MARCHF1: variants seen among roughly 807,000 people sequenced by gnomAD.
MARCHF1 encodes the protein membrane associated ring-CH-type finger 1.
MARCHF1 carries 40 observed loss-of-function variants against 54.2 expected under a neutral mutation model. The observed-to-expected ratio is 0.74, with a 90% CI of 0.57 to 0.96. MARCHF1 has a LOEUF of 0.96. Ranked by LOEUF, MARCHF1 falls within the 40% of genes least tolerant of loss-of-function variation. The pLI is 0.00. For synonymous variants in MARCHF1, 236 were observed against 236.3 expected (o/e 1.00, Z 0.01); for missense variants, 586 against 656.5 (o/e 0.89, Z 1.17).
intron 1 of MARCHF1, among the ~76,000 whole-genome samples, chr4:164,263,217 T>G (rs1733517485): frequency 6.6e-6 from 1 of 150,596 alleles, no homozygotes; most frequent in African/African-American, 2.4e-5. Flanking sequence ...AAGAGAAAAA[T>G]TAAGGTAAAA....
chr4:163,629,052 T>G (rs187681424), intron 5 of MARCHF1, among the ~76,000 whole-genome samples: 1 of 152,300 alleles, frequency 6.6e-6, no homozygotes, highest in African/African-American at 2.4e-5. Context: ...AAAAAACTAC[T>G]TTAAATTTCA....
intron 4 of MARCHF1, among the ~76,000 whole-genome samples, chr4:163,733,290 C>T (rs1355230485): frequency 8.0e-6 from 1 of 124,360 alleles, no homozygotes; most frequent in Non-Finnish European, 1.6e-5. Context: ...CACATACACA[C>T]ACACACGCAC....
At chr4:164,185,924 G>A (rs190747561) in intron 1 of MARCHF1, among the ~76,000 whole-genome samples, 8 of 151,974 alleles carry the variant, frequency 5.3e-5, no homozygotes, top group East Asian at 1.9e-4. Context: ...ATGGAATCTC[G>A]CTCTTGTTAC....
chr4:164,146,691 TAA>T (rs1422299598), intron 1 of MARCHF1, among the ~76,000 whole-genome samples: 7 of 152,076 alleles, frequency 4.6e-5, no homozygotes, highest in African/African-American at 1.7e-4. Flanking sequence ...ATTAAAGACT[TAA>T]ACATTAGACC....
At chr4:164,161,639 G>C (rs1282183043) in intron 1 of MARCHF1, among the ~76,000 whole-genome samples, 1 of 152,048 alleles carries the variant, frequency 6.6e-6, no homozygotes, top group Non-Finnish European at 1.5e-5. Flanking sequence ...CATCTTTAGG[G>C]TAATTGTTAA....
At chr4:164,197,804 A>T (rs758284198) in intron 1 of MARCHF1, 16 of 1,585,714 alleles carry the variant, frequency 1.0e-5, no homozygotes, top group Non-Finnish European at 1.4e-5. Context: ...GACTTTGAAG[A>T]CTCAACCAGC....
chr4:164,310,373 G>A (rs1412199658), intron 1 of MARCHF1, among the ~76,000 whole-genome samples: 2 of 152,064 alleles, frequency 1.3e-5, no homozygotes, highest in African/African-American at 2.4e-5. Flanking sequence ...ACCACGCCTG[G>A]CCACATGAGA....
chr4:164,048,148 C>T (rs1196291398), intron 2 of MARCHF1, among the ~76,000 whole-genome samples: 1 of 152,010 alleles, frequency 6.6e-6, no homozygotes, highest in African/African-American at 2.4e-5. Flanking sequence ...ATGATATTCC[C>T]TTATCATGTG....
At chr4:163,874,834 C>A (rs1258912025) in intron 3 of MARCHF1, among the ~76,000 whole-genome samples, 1 of 151,990 alleles carries the variant, frequency 6.6e-6, no homozygotes, top group Non-Finnish European at 1.5e-5. Context: ...TGCTAAAATG[C>A]CCAGAAAACT....
intron 2 of MARCHF1, among the ~76,000 whole-genome samples, chr4:164,004,504 C>T (rs557358547): frequency 2.0e-5 from 3 of 152,116 alleles, no homozygotes; most frequent in East Asian, 3.9e-4. Flanking sequence ...TATAACAACA[C>T]TGTCAACCAA....
intron 1 of MARCHF1, among the ~76,000 whole-genome samples, chr4:164,141,291 T>C (rs1756527743): frequency 1.3e-5 from 2 of 152,210 alleles, no homozygotes; most frequent in Non-Finnish European, 2.9e-5. Context: ...GTCTCTGACA[T>C]AGATGTTGCT....
intron 2 of MARCHF1, among the ~76,000 whole-genome samples, chr4:164,047,852 G>A (rs1004249636): frequency 2.6e-5 from 4 of 152,070 alleles, no homozygotes; most frequent in African/African-American, 9.7e-5. Flanking sequence ...AATAATTAGT[G>A]TCTGTATTTG....
intron 2 of MARCHF1, among the ~76,000 whole-genome samples, chr4:164,106,777 A>T (rs1443316628): frequency 1.4e-5 from 2 of 144,028 alleles, no homozygotes; most frequent in African/African-American, 5.3e-5. Flanking sequence ...AAAAATAAAA[A>T]ATAAAAAAAA....
At chr4:164,237,889 C>T (rs925606878) in intron 1 of MARCHF1, among the ~76,000 whole-genome samples, 5 of 151,462 alleles carry the variant, frequency 3.3e-5, no homozygotes, top group African/African-American at 9.7e-5. Context: ...TAACAAAATG[C>T]TAAAAAAAAT....
intron 1 of MARCHF1, among the ~76,000 whole-genome samples, chr4:164,371,123 T>A (rs1443669894): frequency 6.6e-6 from 1 of 151,984 alleles, no homozygotes; most frequent in African/African-American, 2.4e-5. Flanking sequence ...AGAACAGATA[T>A]AAATATATGG....
intron 2 of MARCHF1, among the ~76,000 whole-genome samples, chr4:164,012,289 T>C (rs1753438074): frequency 6.6e-6 from 1 of 152,060 alleles, no homozygotes; most frequent in Admixed American, 6.6e-5. Context: ...TCAGTAAAGA[T>C]TCCTTCTGCT....
At chr4:163,821,238 C>T (rs1211368294) in intron 4 of MARCHF1, among the ~76,000 whole-genome samples, 1 of 152,008 alleles carries the variant, frequency 6.6e-6, no homozygotes, top group Admixed American at 6.6e-5. Flanking sequence ...GTGGTCACTT[C>T]TTCAAGACGG....
At chr4:164,036,138 A>C (rs996178789) in intron 2 of MARCHF1, among the ~76,000 whole-genome samples, 5 of 151,370 alleles carry the variant, frequency 3.3e-5, no homozygotes, top group Non-Finnish European at 4.4e-5. Context: ...AAACAAAAAA[A>C]AAAACAATTT....
intron 5 of MARCHF1, among the ~76,000 whole-genome samples, chr4:163,673,744 T>G (rs114921757): frequency 5.9e-5 from 9 of 152,152 alleles, no homozygotes; most frequent in Admixed American, 5.9e-4. Flanking sequence ...AATATTAACT[T>G]TGGAATCTGT....
Sources: gnomAD v4.1 joint callset for allele counts (sites outside exome capture counted in the v4.1 genomes callset) on GRCh38, gnomAD v4.1.1 for gene constraint, MANE v1.5 for transcripts, NCBI Gene and HGNC (gene_info 2026-07-23, HGNC 2026-07-21) for gene names.